The following ANKFY1 variants were observed in gnomAD, a reference collection of about 807,000 sequenced individuals.
The protein encoded by ANKFY1 is ankyrin repeat and FYVE domain containing 1.
In ANKFY1, 47 loss-of-function variants were observed where a neutral mutation model predicts 128.3. The observed-to-expected ratio is 0.37, with a 90% CI of 0.29 to 0.47. The LOEUF is 0.47. Among genes scored for constraint, ANKFY1 ranks in the 20% least tolerant of loss-of-function variants. ANKFY1 has a pLI of 1.00. For synonymous variants in ANKFY1, 553 were observed against 601.6 expected (o/e 0.92, Z 1.18); for missense variants, 1,222 against 1,510.6 (o/e 0.81, Z 3.17).
rs1715048621 is a variant in ANKFY1 at position 4,187,063 on chromosome 17, C to T, written c.1471-2017G>A. 3.3e-6 allele frequency: 4 copies of T among 1,195,988 alleles called. No individual in the cohort carries two copies. In the Admixed American group the frequency reaches 1.7e-4, roughly 51 times the overall value. The allele number at this position is 1,195,988 out of a possible 1,614,324, so 74.1% of individuals were successfully genotyped here. ...TGGTTTCTGGTTCCACGGATAAGTT[C>T]TTCGGTGGTGATTTCTTAATGTTAG... On this transcript the variant is annotated intron_variant, in intron 11 of 24. Coordinates refer to ENST00000341657, the MANE Select transcript of ANKFY1 (RefSeq NM_001330063.2).
At chr17:4,206,569 A>G in intron 6 of ANKFY1, 83 bp from the exon 7 acceptor site, 1 of 1,262,498 alleles carries the variant, frequency 7.9e-7, no homozygotes, top group Non-Finnish European at 1.1e-6. Flanking sequence ...ACCCTTAAAT[A>G]TCATCTCTTA....
chr17:4,224,899 A>C (rs1450354619), intron 3 of ANKFY1, among the ~76,000 whole-genome samples: 1 of 150,240 alleles, frequency 6.7e-6, no homozygotes, highest in Non-Finnish European at 1.5e-5. Flanking sequence ...CGTTTATTGC[A>C]CCTAGAATAG....
intron 1 of ANKFY1, among the ~76,000 whole-genome samples, chr17:4,257,494 T>C (rs1397935528): frequency 6.6e-6 from 1 of 152,170 alleles, no homozygotes; most frequent in Non-Finnish European, 1.5e-5. Flanking sequence ...TCCTTCCACC[T>C]AGAACAGTGA....
intron 3 of ANKFY1, chr17:4,223,822 A>C: frequency 7.4e-7 from 1 of 1,357,022 alleles, no homozygotes; most frequent in Non-Finnish European, 1.0e-6. Context: ...CTGGGGGCCT[A>C]CGTCTGACTC....
At position 4,181,020 on chromosome 17, in the gene ANKFY1, C is replaced by T. The variant is rs765408050; in HGVS notation, c.2240+234G>A. On this transcript the variant is annotated intron_variant, in intron 16 of 24. Coordinates refer to ENST00000341657, the MANE Select transcript of ANKFY1 (RefSeq NM_001330063.2). The surrounding 1 kb of genome is among the most constrained non-coding windows in gnomAD (Gnocchi z 4.9). ...AGCTCAGGCAGCTCCCAAAGCAGGACGCTGACTCCAGCTTTCAGATTCTTT... is the reference window on the plus strand; with the variant it reads ...AGCTCAGGCAGCTCCCAAAGCAGGATGCTGACTCCAGCTTTCAGATTCTTT... 2.7e-5 allele frequency: 13 copies of T among 481,094 alleles called. No homozygotes were observed. The highest frequency in any genetic ancestry group is 6.4e-5 in the Admixed American group (2 of 31,100). The allele number at this position is 481,094 out of a possible 1,614,324, so 29.8% of individuals were successfully genotyped here.
In ANKFY1 at chr17:4,167,121, C is replaced by T. The variant is rs2059224767; in HGVS notation, c.*658G>A. The T allele has an allele frequency of 6.6e-6, 1 of 152,614 alleles. No individual in the cohort carries two copies. Among genetic ancestry groups the T allele is most frequent in the East Asian group, 1.9e-4 (1 of 5,190 alleles). The allele number at this position is 152,614 out of a possible 1,614,324, so 9.5% of individuals were successfully genotyped here. A position where few individuals can be genotyped will look rare whatever the true frequency, so the allele number is the denominator to read the frequency against. On this transcript the variant is annotated 3_prime_UTR_variant, in exon 25 of 25. Coordinates refer to ENST00000341657, the MANE Select transcript of ANKFY1 (RefSeq NM_001330063.2). This position sits in a 1 kb window ranked among gnomAD's most constrained non-coding sequence, Gnocchi z 4.1. ...TCAAGCGGCCCAGCTGCACTCCTGA[C>T]ACCTCAGTAGCATGAACACTGTAAA...
chr17:4,227,378 T>C (rs920377481), intron 3 of ANKFY1, among the ~76,000 whole-genome samples: 6 of 152,224 alleles, frequency 3.9e-5, no homozygotes, highest in South Asian at 2.1e-4. Flanking sequence ...AACAGGTTTT[T>C]ACAGCAGGAA....
chr17:4,186,426 A>T (rs2059612962), intron 11 of ANKFY1: 1 of 152,550 alleles, frequency 6.6e-6, no homozygotes, highest in Non-Finnish European at 1.5e-5. Context: ...TAGCCTAAAA[A>T]AAAAAAAATA....
At chr17:4,196,507 A>G (rs1260670116) in intron 8 of ANKFY1, among the ~76,000 whole-genome samples, 2 of 152,188 alleles carry the variant, frequency 1.3e-5, no homozygotes, top group Admixed American at 1.3e-4. Context: ...CTGTCCCAAG[A>G]CAAGTAGCCT....
chr17:4,168,177 G>C (rs2059245784), intron 24 of ANKFY1: 1 of 277,790 alleles, frequency 3.6e-6, no homozygotes, highest in Non-Finnish European at 6.7e-6. Context: ...CTCAGGCCAG[G>C]CATGGTGGCT....
chr17:4,253,853 C>A (rs909341895), intron 1 of ANKFY1, among the ~76,000 whole-genome samples: 7 of 152,158 alleles, frequency 4.6e-5, no homozygotes, highest in Admixed American at 1.3e-4. Context: ...ACTTTACCTA[C>A]CATGGCAGGC....
At chr17:4,236,367 A>T (rs1966904187) in intron 2 of ANKFY1, among the ~76,000 whole-genome samples, 1 of 152,234 alleles carries the variant, frequency 6.6e-6, no homozygotes, top group African/African-American at 2.4e-5. Flanking sequence ...CAAACTAACA[A>T]GCAGTCATGA....
chr17:4,226,365 AC>A (rs1022549448), intron 3 of ANKFY1, among the ~76,000 whole-genome samples: 1 of 152,162 alleles, frequency 6.6e-6, no homozygotes, highest in Non-Finnish European at 1.5e-5. Context: ...CTACAAAAAA[AC>A]ATTTTTTTTA....
At chr17:4,208,144 T>G in intron 5 of ANKFY1, 62 bp from the exon 6 acceptor site, 1 of 1,502,092 alleles carries the variant, frequency 6.7e-7, no homozygotes, top group Non-Finnish European at 8.9e-7. Flanking sequence ...CAACCACCAT[T>G]TAGCAAGCCT....
chr17:4,246,531 T>A (rs1967551727), intron 1 of ANKFY1, among the ~76,000 whole-genome samples: 1 of 152,242 alleles, frequency 6.6e-6, no homozygotes, highest in South Asian at 2.1e-4. Flanking sequence ...CACATCTTGC[T>A]AGTTCAACCT....
Position 4,254,892 on chromosome 17 carries a change from C to T in ANKFY1, c.10+9040G>A, listed in dbSNP as rs571008055. On this transcript the variant is annotated intron_variant, in intron 1 of 24. Coordinates refer to ENST00000341657, the MANE Select transcript of ANKFY1 (RefSeq NM_001330063.2). ...CTAACTATATTGAAAAAGTAATATA[C>T]TAACAGTGAAACTCACTTAAGTGAG... Among the ~76,000 whole-genome samples, 3 of 152,196 alleles carry T rather than the reference C, an allele frequency of 2.0e-5. No homozygotes were observed. In the East Asian group the frequency reaches 5.8e-4, roughly 29 times the overall value.
chr17:4,241,681 C>T (rs994498077), intron 2 of ANKFY1, among the ~76,000 whole-genome samples: 3 of 152,072 alleles, frequency 2.0e-5, no homozygotes, highest in African/African-American at 4.8e-5. Flanking sequence ...TCAAGAGAAA[C>T]GGACCTTTGC....
chr17:4,201,601 G>A (rs1189131184), intron 7 of ANKFY1, among the ~76,000 whole-genome samples: 1 of 151,546 alleles, frequency 6.6e-6, no homozygotes, highest in Non-Finnish European at 1.5e-5. Flanking sequence ...TTATCAGAAA[G>A]GCTCTTATTT....
At position 4,194,103 on chromosome 17, in the gene ANKFY1, A is replaced by T. The variant is rs1187081135; in HGVS notation, c.1372+875T>A. Among the ~76,000 whole-genome samples, 128 of 108,168 alleles carry T rather than the reference A, an allele frequency of 1.2e-3. 1 individual carries two copies. Among genetic ancestry groups the T allele is most frequent in the African/African-American group, 5.7e-3 (117 of 20,516 alleles). 71.0% of individuals were successfully genotyped at this position (108,168 alleles called of 152,430 possible). On this transcript the variant is annotated intron_variant, in intron 10 of 24. Transcript: ENST00000341657. ...CGCCCGGCCATATATATATATATAT[A>T]TTTTTTTTTTTTTTTTTTTTTTGAG...
Sources: allele counts gnomAD v4.1 joint callset (sites outside exome capture counted in the v4.1 genomes callset), GRCh38; gene constraint gnomAD v4.1.1; non-coding constraint Gnocchi (gnomAD v3.1); transcripts MANE v1.5; gene names NCBI Gene and HGNC (gene_info 2026-07-23, HGNC 2026-07-21).